Variants in RTN4R observed in about 807,000 individuals in gnomAD.
RTN4R encodes the protein reticulon-4 receptor.
A neutral mutation model predicts 27.7 loss-of-function variants in RTN4R; 4 were observed. The ratio of observed to expected loss-of-function variants is 0.14; its 90% CI spans 0.07 to 0.33. The LOEUF is 0.33. Ranked by LOEUF, RTN4R falls within the 10% of genes least tolerant of loss-of-function variation. The pLI, the probability that RTN4R is intolerant of heterozygous loss-of-function variation, is 1.00. For synonymous variants in RTN4R, 290 were observed against 305.6 expected, an observed-to-expected ratio of 0.95 and a Z score of 0.53; for missense variants, 554 against 671.5, an observed-to-expected ratio of 0.83 and a Z score of 1.93.
intron 1 of RTN4R, among the ~76,000 whole-genome samples, chr22:20,245,927 G>A (rs1239840703): frequency 1.3e-5 from 2 of 152,128 alleles, no homozygotes; most frequent in African/African-American, 2.4e-5. Flanking sequence ...CCTGTCCACC[G>A]TCCCCACCCA....
chr22:20,261,705 C>T (rs950502648), intron 1 of RTN4R, among the ~76,000 whole-genome samples: 4 of 152,232 alleles, frequency 2.6e-5, no homozygotes, highest in Non-Finnish European at 2.9e-5. Flanking sequence ...TCCTCCTCAC[C>T]GGCGCCTGGG....
intron 1 of RTN4R, among the ~76,000 whole-genome samples, chr22:20,267,423 G>A (rs554065301): frequency 5.9e-5 from 9 of 152,306 alleles, no homozygotes; most frequent in African/African-American, 1.9e-4. Flanking sequence ...GGCTGCTAGG[G>A]AGGGGTTGCT....
At chr22:20,260,268 C>G (rs2051237353) in intron 1 of RTN4R, among the ~76,000 whole-genome samples, 1 of 152,180 alleles carries the variant, frequency 6.6e-6, no homozygotes, top group Non-Finnish European at 1.5e-5. Context: ...CTCATACAGC[C>G]CCATCCCTCG....
intron 1 of RTN4R, chr22:20,267,747 G>A: frequency 2.5e-6 from 1 of 405,714 alleles, no homozygotes; most frequent in South Asian, 1.9e-5. Flanking sequence ...CTCCGAGGCC[G>A]GGCCCCGCCC....
chr22:20,249,749 TC>T (rs770773819), intron 1 of RTN4R, among the ~76,000 whole-genome samples: 10 of 152,116 alleles, frequency 6.6e-5, no homozygotes, highest in Non-Finnish European at 1.0e-4. Context: ...TGTAGGCACA[TC>T]CCCATGTGTT....
intron 1 of RTN4R, among the ~76,000 whole-genome samples, chr22:20,263,915 A>G (rs984014538): frequency 1.3e-5 from 2 of 152,232 alleles, no homozygotes; most frequent in African/African-American, 4.8e-5. Flanking sequence ...CAGAGGCTGT[A>G]TGAAAGAGGC....
intron 1 of RTN4R, among the ~76,000 whole-genome samples, chr22:20,261,728 G>A (rs2051248513): frequency 6.6e-6 from 1 of 152,216 alleles, no homozygotes; most frequent in Non-Finnish European, 1.5e-5. Context: ...CTCCCTCCCT[G>A]CCAGTGTGGC....
intron 1 of RTN4R, among the ~76,000 whole-genome samples, chr22:20,257,051 T>C (rs1602647966): frequency 6.6e-6 from 1 of 152,120 alleles, no homozygotes. Context: ...ATACAGGAGG[T>C]GCTCCATAAA....
At chr22:20,267,545 A>G in intron 1 of RTN4R, 1 of 461,002 alleles carries the variant, frequency 2.2e-6, no homozygotes, top group Admixed American at 2.4e-5. Context: ...CAGCGCTGGG[A>G]CAACCCTGTC....
rs1665995026 is a variant in RTN4R at position 20,254,094 on chromosome 22, A to C, written c.23-10984T>G. On this transcript the variant is annotated intron_variant, in intron 1 of 1. Transcript: ENST00000043402. ...GTGCACTTTCAGGCCCCCAGGGGTCAAGGGAAGTCTGAAGCTCCAGGAGGA... is the reference window on the plus strand; with the variant it reads ...GTGCACTTTCAGGCCCCCAGGGGTCCAGGGAAGTCTGAAGCTCCAGGAGGA... 2.0e-5 allele frequency among the ~76,000 whole-genome samples: 3 copies of C among 152,138 alleles called. No homozygotes were observed. In the South Asian group the frequency reaches 6.2e-4, roughly 31 times the overall value.
intron 1 of RTN4R, chr22:20,249,282 A>T: frequency 1.9e-6 from 1 of 514,796 alleles, no homozygotes; most frequent in Non-Finnish European, 4.0e-6. Context: ...GTCTGGGCCC[A>T]GCACTGCCAT....
rs747220602 is a variant in RTN4R, at chr22:20,241,945, A to T, written c.1188T>A (p.Thr396=). The T allele has an allele frequency of 6.2e-7, 1 of 1,608,624 alleles. No homozygotes were observed. The change falls in exon 2 of 2, where the codon ACT becomes ACA. Residue 396 remains threonine, a synonymous_variant. Transcript: ENST00000043402. The part of the protein sequence containing the change: ...TLPGSAEPPL[T]AVRPEGSEPP... ...GCTCGGAGCCCTCGGGCCGCACTGC[A>T]GTGAGCGGGGGCTCAGCAGAGCCAG...
At position 20,266,672 on chromosome 22, in the gene RTN4R, C is replaced by T. The variant is rs114446548; in HGVS notation, c.22+1399G>A. On this transcript the variant is annotated intron_variant, in intron 1 of 1. Coordinates refer to ENST00000043402, the MANE Select transcript of RTN4R (RefSeq NM_023004.6). ...CTCAGCCCTGGTGGGTAGGGAGTGG[C>T]TGGGAGACCCTGCCCCTCACACCCT... is the stretch of plus-strand genomic sequence containing the variant. 2.6e-5 allele frequency among the ~76,000 whole-genome samples: 4 copies of T among 152,292 alleles called. No homozygotes were observed. The South Asian group carries it at 6.2e-4, about 24-fold the overall frequency.
At chr22:20,243,239 C>A in intron 1 of RTN4R, 129 bp from the exon 2 acceptor site, 2 of 849,596 alleles carry the variant, frequency 2.4e-6, no homozygotes, top group Non-Finnish European at 3.7e-6. Context: ...CAAGATGTGG[C>A]CACCACCCCC....
chr22:20,257,204 G>C (rs917561782), intron 1 of RTN4R, among the ~76,000 whole-genome samples: 2 of 152,238 alleles, frequency 1.3e-5, no homozygotes. Context: ...GATGTTCCTG[G>C]GTTGGGGGCA....
intron 1 of RTN4R, chr22:20,243,545 G>A (rs921272776): frequency 2.2e-6 from 1 of 463,536 alleles, no homozygotes; most frequent in African/African-American, 2.0e-5. Context: ...ACTGCAATGG[G>A]GCTGGGGTCC....
chr22:20,253,073 G>A (rs952055956), intron 1 of RTN4R, among the ~76,000 whole-genome samples: 11 of 152,140 alleles, frequency 7.2e-5, no homozygotes, highest in Non-Finnish European at 1.5e-4. Context: ...CTGCTCCAGC[G>A]GTCTTGCAAG....
chr22:20,259,429 C>T (rs1856188594), intron 1 of RTN4R, among the ~76,000 whole-genome samples: 1 of 152,166 alleles, frequency 6.6e-6, no homozygotes, highest in South Asian at 2.1e-4. Flanking sequence ...TGAAAGACAG[C>T]CTGGAGGCAG....
intron 1 of RTN4R, among the ~76,000 whole-genome samples, chr22:20,251,435 T>C (rs913061502): frequency 6.6e-6 from 1 of 152,110 alleles, no homozygotes; most frequent in East Asian, 1.9e-4. Flanking sequence ...ATAGCCAAGA[T>C]TGTGAAGGAA....
Sources: gnomAD v4.1 joint callset for allele counts (sites outside exome capture counted in the v4.1 genomes callset) on GRCh38, gnomAD v4.1.1 for gene constraint, MANE v1.5 for transcripts, NCBI Gene and HGNC (gene_info 2026-07-23, HGNC 2026-07-21) for gene names.